SULF1: variants seen among roughly 807,000 people sequenced by gnomAD.
SULF1 encodes sulfatase 1.
In SULF1, 46 loss-of-function variants were observed where a neutral mutation model predicts 110.5. The observed-to-expected ratio is 0.42, with a 90% confidence interval of 0.33 to 0.53. The LOEUF is 0.53. SULF1 is among the 20% of genes least tolerant of loss of function. The pLI, the probability that SULF1 is intolerant of heterozygous loss-of-function variation, is 0.12. For synonymous variants in SULF1, 371 were observed against 387.1 expected (o/e 0.96, Z 0.49); for missense variants, 941 against 1,094.2 (o/e 0.86, Z 1.98).
intron 1 of SULF1, among the ~76,000 whole-genome samples, chr8:69,493,871 GAT>G (rs1200516918): frequency 6.6e-6 from 1 of 152,220 alleles, no homozygotes; most frequent in East Asian, 1.9e-4. Flanking sequence ...TCTTCTCAGA[GAT>G]TATGCTCACT....
intron 22 of SULF1, chr8:69,642,207 A>C (rs1811535948): frequency 6.1e-6 from 6 of 985,658 alleles, no homozygotes; most frequent in African/African-American, 5.2e-5. Context: ...AATATCTTTA[A>C]AATTAACATC....
chr8:69,639,747 T>TC (rs1389794831), intron 21 of SULF1, among the ~76,000 whole-genome samples: 2 of 152,170 alleles, frequency 1.3e-5, no homozygotes, highest in Non-Finnish European at 1.5e-5. Flanking sequence ...AGAGCCAGTG[T>TC]CATCAACAGT....
intron 6 of SULF1, among the ~76,000 whole-genome samples, chr8:69,582,031 T>C (rs943857842): frequency 6.6e-6 from 1 of 151,990 alleles, no homozygotes; most frequent in Non-Finnish European, 1.5e-5. Context: ...CTTGAAGGAA[T>C]AGTTTATAAG....
rs184553577 is a variant in SULF1 at position 69,606,292 on chromosome 8, C to A, written c.1377+1360C>A. 3.2e-4 allele frequency among the ~76,000 whole-genome samples: 49 copies of A among 152,266 alleles called. 1 individual carries two copies. In the East Asian group the frequency reaches 8.7e-3, roughly 27 times the overall value. On this transcript the variant is annotated intron_variant, in intron 13 of 22. Coordinates refer to ENST00000402687, the MANE Select transcript of SULF1 (RefSeq NM_001128205.2). ...AAGCCTTCACTACATTCTAGTACAT[C>A]TTAATTTTCAAGTGTTTAGTGGAGA...
At chr8:69,576,744 A>T (rs539214410) in intron 6 of SULF1, among the ~76,000 whole-genome samples, 4 of 152,346 alleles carry the variant, frequency 2.6e-5, no homozygotes, top group African/African-American at 9.6e-5. Flanking sequence ...CATGTAGATG[A>T]TGTCCTTGGG....
At chr8:69,485,119 T>C (rs1045808422) in intron 1 of SULF1, among the ~76,000 whole-genome samples, 7 of 152,182 alleles carry the variant, frequency 4.6e-5, no homozygotes, top group African/African-American at 1.7e-4. Flanking sequence ...CCTTGCAACC[T>C]CCTTCTTCTA....
intron 2 of SULF1, among the ~76,000 whole-genome samples, chr8:69,496,752 C>T (rs979073527): frequency 6.6e-6 from 1 of 152,206 alleles, no homozygotes; most frequent in African/African-American, 2.4e-5. Flanking sequence ...TTTAGGTTAG[C>T]CGACATAATG....
At chr8:69,522,727 T>G (rs1313877809) in intron 3 of SULF1, among the ~76,000 whole-genome samples, 1 of 152,102 alleles carries the variant, frequency 6.6e-6, no homozygotes, top group Non-Finnish European at 1.5e-5. Flanking sequence ...TTTGGGTGCC[T>G]TGGAAGCCGA....
chr8:69,582,470 C>A (rs188031218), intron 6 of SULF1, among the ~76,000 whole-genome samples: 1 of 152,102 alleles, frequency 6.6e-6, no homozygotes, highest in Admixed American at 6.5e-5. Flanking sequence ...CTGTTTTCAG[C>A]GCTTTACATA....
chr8:69,591,244 A>G (rs981391095), intron 8 of SULF1, among the ~76,000 whole-genome samples: 8 of 152,110 alleles, frequency 5.3e-5, no homozygotes, highest in Admixed American at 4.6e-4. Flanking sequence ...GGGTCTCAGC[A>G]ATAGCTTTTT....
intron 3 of SULF1, among the ~76,000 whole-genome samples, chr8:69,561,558 G>A (rs1386163341): frequency 6.6e-6 from 1 of 152,188 alleles, no homozygotes; most frequent in African/African-American, 2.4e-5. Flanking sequence ...AGAACTTTCA[G>A]CTTCTTGTAT....
intron 19 of SULF1, 178 bp from the exon 20 acceptor site, chr8:69,638,324 C>A: frequency 2.8e-6 from 2 of 718,946 alleles, no homozygotes; most frequent in Non-Finnish European, 4.4e-6. Flanking sequence ...CACCTAGTTT[C>A]ACAGCAAATT....
intron 22 of SULF1, 42 bp from the exon 23 acceptor site, chr8:69,658,463 C>G: frequency 6.7e-7 from 1 of 1,483,938 alleles, no homozygotes; most frequent in Non-Finnish European, 9.1e-7. Context: ...AGTAGAAAGC[C>G]TTTTCTCCAC....
chr8:69,473,161 A>T (rs1809159403), intron 1 of SULF1: 1 of 152,190 alleles, frequency 6.6e-6, no homozygotes, highest in Admixed American at 6.5e-5. Flanking sequence ...TAATTAAAAA[A>T]AAAAATGTAG....
chr8:69,501,485 C>T (rs77997025), intron 2 of SULF1, among the ~76,000 whole-genome samples: 4 of 152,204 alleles, frequency 2.6e-5, no homozygotes, highest in Admixed American at 6.5e-5. Context: ...CATGATTCAG[C>T]GCGTTTTCCT....
intron 1 of SULF1, among the ~76,000 whole-genome samples, chr8:69,471,613 A>G (rs1038255620): frequency 4.6e-5 from 7 of 152,204 alleles, no homozygotes; most frequent in Non-Finnish European, 7.3e-5. Context: ...AGGAGAGTAC[A>G]GGCTCTGGGT....
chr8:69,496,953 A>G (rs1810404147), intron 2 of SULF1, among the ~76,000 whole-genome samples: 1 of 152,096 alleles, frequency 6.6e-6, no homozygotes, highest in African/African-American at 2.4e-5. Context: ...TCCTGTTCAC[A>G]TGTTTTCTGG....
intron 1 of SULF1, among the ~76,000 whole-genome samples, chr8:69,482,952 G>A (rs1266834928): frequency 6.6e-6 from 1 of 151,446 alleles, no homozygotes; most frequent in African/African-American, 2.4e-5. Context: ...CTATTCAGGG[G>A]AAAAAAATAC....
intron 3 of SULF1, among the ~76,000 whole-genome samples, chr8:69,508,152 CTGAAGTGCAA>C (rs138525627): frequency 0.029 from 4,458 of 151,488 alleles, 213 homozygotes; most frequent in African/African-American, 0.1. Flanking sequence ...GTTGCCCAGG[CTGAAGTGCAA>C]TGGCACGATG....
Sources: allele counts gnomAD v4.1 joint callset (sites outside exome capture counted in the v4.1 genomes callset), GRCh38; gene constraint gnomAD v4.1.1; transcripts MANE v1.5; gene names NCBI Gene and HGNC (gene_info 2026-07-23, HGNC 2026-07-21).